Variants in DNAH14 observed in about 807,000 individuals in gnomAD.
DNAH14 encodes the protein axonemal beta dynein heavy chain 14.
Under a neutral mutation model 520.9 loss-of-function variants are expected in DNAH14, and 478 were observed. That is an observed-to-expected ratio of 0.92 (90% confidence interval 0.85 to 0.99). The LOEUF (loss-of-function observed/expected upper bound fraction) is 0.99. DNAH14 is among the 50% of genes least tolerant of loss of function. The pLI, the probability that DNAH14 is intolerant of heterozygous loss-of-function variation, is 0.00. For synonymous variants in DNAH14, 1,581 were observed against 1,757.2 expected (o/e 0.90, Z 2.51); for missense variants, 4,831 against 5,234.5 (o/e 0.92, Z 2.38).
Position 225,353,845 on chromosome 1 carries a change from A to G in DNAH14, c.11576A>G (p.Asn3859Ser), listed in dbSNP as rs2150491927. 1 of 1,521,086 alleles carries G rather than the reference A, an allele frequency of 6.6e-7. No individual in the cohort carries two copies. Among genetic ancestry groups the G allele is most frequent in the Non-Finnish European group, 8.9e-7 (1 of 1,124,426 alleles). The allele number at this position is 1,521,086 out of a possible 1,614,324, so 94.2% of individuals were successfully genotyped here. A position where few individuals can be genotyped will look rare whatever the true frequency, so the allele number is the denominator to read the frequency against. Residue 3859 changes from asparagine to serine, a missense_variant, in exon 73 of 86, where the codon AAT (asparagine) becomes AGT (serine). Coordinates refer to ENST00000682510, the MANE Select transcript of DNAH14 (RefSeq NM_001367479.1). Reference sequence around the variant, plus strand: ...AATAAAGAAACGTGTAATCCTATAAATTTTCCCTGGGAGAAACTCACTTCA... The same window carrying G: ...AATAAAGAAACGTGTAATCCTATAAGTTTTCCCTGGGAGAAACTCACTTCA... ...NENKETCNPI[N>S]FPWEKLTSFQ...
rs1297551666 is a variant in DNAH14 at position 225,338,196 on chromosome 1, G to A, written c.10433+14G>A. The A allele has an allele frequency of 6.4e-7, 1 of 1,551,806 alleles. No homozygotes were observed. Among genetic ancestry groups the A allele is most frequent in the Non-Finnish European group, 8.7e-7 (1 of 1,146,906 alleles). ...TTCAAATTTTAGGTAATGTGCCACA[G>A]CTAAATTGAGTCAAATGTCTATGCT... On this transcript the variant is annotated intron_variant, in intron 68 of 85. Coordinates refer to ENST00000682510, the MANE Select transcript of DNAH14 (RefSeq NM_001367479.1).
At chr1:225,162,503 A>G (rs892525899) in intron 35 of DNAH14, among the ~76,000 whole-genome samples, 1 of 152,102 alleles carries the variant, frequency 6.6e-6, no homozygotes, top group Non-Finnish European at 1.5e-5. Flanking sequence ...TGTTCAGGAT[A>G]GCTTTGGCTA....
At chr1:224,951,775 C>T (rs909666867) in intron 1 of DNAH14, among the ~76,000 whole-genome samples, 1 of 151,834 alleles carries the variant, frequency 6.6e-6, no homozygotes, top group Non-Finnish European at 1.5e-5. Flanking sequence ...CTCCGCCTCC[C>T]GAGTAGCTGG....
chr1:225,378,478 C>A (rs1362880609), intron 79 of DNAH14, among the ~76,000 whole-genome samples: 2 of 152,180 alleles, frequency 1.3e-5, no homozygotes, highest in African/African-American at 4.8e-5. Context: ...GATCTGTAAA[C>A]TGGTTTGGAA....
At chr1:225,141,654 A>G (rs1280300563) in intron 28 of DNAH14, among the ~76,000 whole-genome samples, 4 of 151,650 alleles carry the variant, frequency 2.6e-5, no homozygotes, top group Non-Finnish European at 5.9e-5. Context: ...TCCCATTTCC[A>G]TCTAGACAGA....
chr1:225,358,601 G>A lies in DNAH14; in HGVS notation c.11725G>A (p.Ala3909Thr). ...LQRTGVNLKD[A>T]YKGSNARTPL... ...AAGAACTGGAGTTAATTTGAAAGAT[G>A]CATATAAAGGATCCAATGCCAGAAC... Residue 3909 changes from alanine to threonine, a missense_variant, in exon 74 of 86, where the codon GCA (alanine) becomes ACA (threonine). By Grantham distance (58) the Ala-to-Thr change is moderately conservative. Coordinates refer to ENST00000682510, the MANE Select transcript of DNAH14 (RefSeq NM_001367479.1). 1 of 1,548,674 alleles carries A rather than the reference G, an allele frequency of 6.5e-7. No individual in the cohort carries two copies. The highest frequency in any genetic ancestry group is 8.7e-7 in the Non-Finnish European group (1 of 1,145,994).
rs920707484 is a variant in DNAH14, at chr1:225,206,144, C to A, written c.6151C>A (p.Pro2051Thr). ...AGTGGACAATCTCTCTCAGGCCAGT[C>A]CTGCTACTGTCAGCCGATGTGCCAT... ...FEVDNLSQAS[P>T]ATVSRCAMVY... The change falls in exon 40 of 86, where the codon CCT becomes ACT. Residue 2051 changes from proline to threonine, a missense_variant. By Grantham distance (38) the Pro-to-Thr change is conservative. Transcript: ENST00000682510. The A allele has an allele frequency of 1.3e-6, 2 of 1,551,224 alleles. No individual in the cohort carries two copies. The highest frequency in any genetic ancestry group is 3.9e-5 in the Admixed American group (2 of 50,976).
At chr1:225,235,245 C>T (rs1160999850) in intron 42 of DNAH14, among the ~76,000 whole-genome samples, 1 of 152,122 alleles carries the variant, frequency 6.6e-6, no homozygotes, top group Non-Finnish European at 1.5e-5. Context: ...GAGTTTTAAA[C>T]ATGAAAGGAT....
intron 62 of DNAH14, among the ~76,000 whole-genome samples, 184 bp from the exon 63 acceptor site, chr1:225,324,038 A>T (rs1431795602): frequency 2.6e-5 from 4 of 151,536 alleles, no homozygotes; most frequent in Non-Finnish European, 5.9e-5. Flanking sequence ...CTGGTCTCGA[A>T]CTCCTGACCT....
chr1:225,079,779 T>C (rs1281907041), intron 18 of DNAH14, among the ~76,000 whole-genome samples: 1 of 146,172 alleles, frequency 6.8e-6, no homozygotes, highest in African/African-American at 2.5e-5. Context: ...GTTCACGCCA[T>C]TCTCCTGCCT....
chr1:224,990,672 C>T (rs1376520698), intron 8 of DNAH14, among the ~76,000 whole-genome samples: 1 of 152,008 alleles, frequency 6.6e-6, no homozygotes, highest in Non-Finnish European at 1.5e-5. Flanking sequence ...ATATAGATAC[C>T]ACATTTTCTT....
At chr1:225,243,307 T>A (rs2149654027) in intron 43 of DNAH14, among the ~76,000 whole-genome samples, 1 of 150,490 alleles carries the variant, frequency 6.6e-6, no homozygotes, top group East Asian at 2.0e-4. Context: ...AATAGGAGGG[T>A]AAAAAGGGAA....
intron 69 of DNAH14, among the ~76,000 whole-genome samples, chr1:225,341,871 T>C (rs2095189242): frequency 6.6e-6 from 1 of 152,202 alleles, no homozygotes; most frequent in Non-Finnish European, 1.5e-5. Flanking sequence ...TATTTTAACT[T>C]GTGACTCACT....
chr1:225,145,589 G>A (rs74147133), intron 30 of DNAH14, among the ~76,000 whole-genome samples: 3,783 of 152,180 alleles, frequency 0.025, 123 homozygotes, highest in African/African-American at 0.077. Flanking sequence ...TTTTATTCAG[G>A]TGAACTACTC....
chr1:225,042,730 A>T, intron 12 of DNAH14, 105 bp from the exon 13 acceptor site: 1 of 1,223,814 alleles, frequency 8.2e-7, no homozygotes, highest in Non-Finnish European at 1.1e-6. Context: ...ACTCGGTTAT[A>T]CTGGAGTTAT....
chr1:225,010,306 G>A (rs2064603126), intron 10 of DNAH14, among the ~76,000 whole-genome samples: 1 of 152,082 alleles, frequency 6.6e-6, no homozygotes, highest in Admixed American at 6.5e-5. Context: ...TAGCATGAAG[G>A]GGTGTTTAAT....
Position 225,252,417 on chromosome 1 carries a change from G to T in DNAH14, c.6865G>T (p.Gly2289Ter). The change falls in exon 44 of 86, where the codon GGA becomes TGA. Residue 2289 changes from glycine (G) to a stop codon, truncating the protein, a stop_gained and splice_region_variant. Transcript: ENST00000682510. LOFTEE classifies it high-confidence loss of function. ...TAATGATCAGACACTAATTCAAAGA[G>T]GTAAGAATAATTATAAGAATCATAC... ...VPNDQTLIQRGTSLLTNLQRS... is the reference protein window; with the variant it reads ...VPNDQTLIQR 2 of 1,449,000 alleles carry T rather than the reference G, an allele frequency of 1.4e-6. No individual in the cohort carries two copies. The highest frequency in any genetic ancestry group is 1.2e-5 in the South Asian group (1 of 80,834). The allele number at this position is 1,449,000 out of a possible 1,614,324, so 89.8% of individuals were successfully genotyped here. A position where few individuals can be genotyped will look rare whatever the true frequency, so the allele number is the denominator to read the frequency against.
intron 41 of DNAH14, among the ~76,000 whole-genome samples, chr1:225,222,218 T>C (rs1020043012): frequency 7.9e-5 from 12 of 152,194 alleles, no homozygotes; most frequent in Admixed American, 7.2e-4. Context: ...AGTAAGTCAG[T>C]AAGTCATTGG....
At chr1:225,252,517 A>G (rs917355712) in intron 44 of DNAH14, 100 bp downstream of exon 44, 1 of 659,238 alleles carries the variant, frequency 1.5e-6, no homozygotes, top group Non-Finnish European at 2.5e-6. Flanking sequence ...AAGTAATTAT[A>G]TCTGCAACTT....
Sources: allele counts gnomAD v4.1 joint callset (sites outside exome capture counted in the v4.1 genomes callset), GRCh38; gene constraint gnomAD v4.1.1; transcripts MANE v1.5; gene names NCBI Gene and HGNC (gene_info 2026-07-23, HGNC 2026-07-21).